The following MTCL2 variants were observed in gnomAD, a reference collection of about 807,000 sequenced individuals.
The protein encoded by MTCL2 is microtubule crosslinking factor 2.
At chr20:36,804,888 G>T in the MTCL2 span, 7 of 1,612,492 alleles carry the variant, frequency 4.3e-6, no homozygotes, top group Non-Finnish European at 5.9e-6. Flanking sequence ...CCAGTGTCTT[G>T]ATGTACTCAT....
chr20:36,860,992 G>C, the MTCL2 span, among the ~76,000 whole-genome samples: 2 of 152,322 alleles, frequency 1.3e-5, no homozygotes, highest in African/African-American at 4.8e-5. Context: ...TTGGGTCAGA[G>C]CCTGATGACT....
At chr20:36,794,125 G>T in the MTCL2 span, 1 of 1,551,462 alleles carries the variant, frequency 6.4e-7, no homozygotes, top group Non-Finnish European at 8.7e-7. The surrounding 1 kb of genome is among the most constrained non-coding windows in gnomAD (Gnocchi z 5.4). Context: ...CCGAGGGGCT[G>T]CCCGCTGAGC....
At chr20:36,815,674 G>C in the MTCL2 span, 1 of 1,607,726 alleles carries the variant, frequency 6.2e-7, no homozygotes, top group East Asian at 2.2e-5. This position sits in a 1 kb window ranked among gnomAD's most constrained non-coding sequence, Gnocchi z 5.3. Flanking sequence ...TCGTACTGCA[G>C]CTTCTTGACC....
At chr20:36,821,837 C>T in the MTCL2 span, among the ~76,000 whole-genome samples, 1 of 152,176 alleles carries the variant, frequency 6.6e-6, no homozygotes, top group Non-Finnish European at 1.5e-5. Flanking sequence ...ATGGCTTATT[C>T]GAATCTTCTA....
chr20:36,802,230 G>T, the MTCL2 span, among the ~76,000 whole-genome samples: 35 of 152,312 alleles, frequency 2.3e-4, no homozygotes, highest in Admixed American at 2.0e-3. Context: ...AGGCTGCAGT[G>T]AGCCGAGAGT....
chr20:36,793,515 G>A, the MTCL2 span: 1 of 1,551,708 alleles, frequency 6.4e-7, no homozygotes, highest in Non-Finnish European at 8.7e-7. The surrounding 1 kb of genome is among the most constrained non-coding windows in gnomAD (Gnocchi z 6.8). Context: ...CCGTACTTGG[G>A]AGGCTCGGGC....
At chr20:36,797,118 A>C in the MTCL2 span, among the ~76,000 whole-genome samples, 1 of 151,804 alleles carries the variant, frequency 6.6e-6, no homozygotes. Context: ...CCTGCATCCA[A>C]CTCCCCCACC....
At chr20:36,789,522 G>A in the MTCL2 span, among the ~76,000 whole-genome samples, 2 of 152,056 alleles carry the variant, frequency 1.3e-5, no homozygotes, top group African/African-American at 2.4e-5. Flanking sequence ...GTAGCCGGGC[G>A]TGGTGGCATG....
chr20:36,825,748 T>G, the MTCL2 span, among the ~76,000 whole-genome samples: 37 of 152,266 alleles, frequency 2.4e-4, 2 homozygotes, highest in East Asian at 7.2e-3. Context: ...CTCGTCTCCA[T>G]AGAAACCATG....
the MTCL2 span, among the ~76,000 whole-genome samples, chr20:36,794,931 GCTTTTTTTTTT>G: frequency 3.3e-5 from 5 of 151,078 alleles, no homozygotes; most frequent in East Asian, 3.9e-4. This position sits in a 1 kb window ranked among gnomAD's most constrained non-coding sequence, Gnocchi z 5.4. Context: ...ACCAAACCTG[GCTTTTTTTTTT>G]CTTTTTTTTT....
At chr20:36,815,258 C>G in the MTCL2 span, 1 of 1,613,968 alleles carries the variant, frequency 6.2e-7, no homozygotes, top group Non-Finnish European at 8.5e-7. The surrounding 1 kb of genome is among the most constrained non-coding windows in gnomAD (Gnocchi z 5.3). Flanking sequence ...CTGCCTTCCG[C>G]GTGAAGGCAT....
At chr20:36,796,879 C>T in the MTCL2 span, 2 of 1,613,908 alleles carry the variant, frequency 1.2e-6, no homozygotes, top group South Asian at 2.2e-5. Context: ...AGCATGCAAG[C>T]ACCTCTTTAA....
the MTCL2 span, chr20:36,863,450 C>G: frequency 1.2e-6 from 1 of 856,454 alleles, no homozygotes; most frequent in African/African-American, 1.8e-5. This position sits in a 1 kb window ranked among gnomAD's most constrained non-coding sequence, Gnocchi z 6.2. Context: ...GGGGCTGCGG[C>G]TGCTCTCGGC....
At chr20:36,794,262 T>C in the MTCL2 span, 16 of 1,551,576 alleles carry the variant, frequency 1.0e-5, no homozygotes, top group East Asian at 2.7e-4. The surrounding 1 kb of genome is among the most constrained non-coding windows in gnomAD (Gnocchi z 5.4). Flanking sequence ...TCGATAATGA[T>C]CTTGCCCTCT....
chr20:36,846,051 T>G, the MTCL2 span, among the ~76,000 whole-genome samples: 1 of 152,014 alleles, frequency 6.6e-6, no homozygotes, highest in Admixed American at 6.5e-5. Context: ...ACTAAAAATA[T>G]AAAAATTAGC....
chr20:36,829,711 G>T, the MTCL2 span, among the ~76,000 whole-genome samples: 2 of 151,786 alleles, frequency 1.3e-5, no homozygotes, highest in East Asian at 3.9e-4. Flanking sequence ...TAGACACGGG[G>T]TCTCAGCCGG....
the MTCL2 span, chr20:36,808,450 T>C: frequency 4.3e-6 from 6 of 1,399,142 alleles, no homozygotes; most frequent in South Asian, 7.5e-5. Flanking sequence ...CAGCTGGGCG[T>C]CCCTTCCCTG....
chr20:36,786,637 C>T, the MTCL2 span: 1 of 1,549,022 alleles, frequency 6.5e-7, no homozygotes, highest in Non-Finnish European at 8.7e-7. Context: ...CAAACAGCGT[C>T]CTAGGAAGAG....
At chr20:36,817,070 C>T in the MTCL2 span, among the ~76,000 whole-genome samples, 2 of 151,896 alleles carry the variant, frequency 1.3e-5, no homozygotes, top group African/African-American at 2.4e-5. Flanking sequence ...AGTTCAAGAC[C>T]AGCCTGGTCA....
Sources: allele counts gnomAD v4.1 joint callset (sites outside exome capture counted in the v4.1 genomes callset), GRCh38; gene constraint gnomAD v4.1.1; non-coding constraint Gnocchi (gnomAD v3.1); transcripts MANE v1.5; gene names NCBI Gene and HGNC (gene_info 2026-07-23, HGNC 2026-07-21).